The following ARAP2 variants were observed in gnomAD, a reference collection of about 807,000 sequenced individuals.
ARAP2 encodes the protein ArfGAP with RhoGAP domain, ankyrin repeat and PH domain 2.
In ARAP2, 148 loss-of-function variants were observed where a neutral mutation model predicts 194.5. That is an observed-to-expected ratio of 0.76 (90% CI 0.67 to 0.87). ARAP2 has a LOEUF of 0.87. Among genes scored for constraint, ARAP2 ranks in the 40% least tolerant of loss-of-function variants. The pLI, the probability that ARAP2 is intolerant of heterozygous loss-of-function variation, is 0.00. For synonymous variants in ARAP2, 695 were observed against 683.5 expected (o/e 1.02, Z -0.26); for missense variants, 2,128 against 1,989.7 (o/e 1.07, Z -1.32).
intron 5 of ARAP2, among the ~76,000 whole-genome samples, chr4:36,036,498 T>G: frequency 6.6e-6 from 1 of 152,232 alleles, no homozygotes; most frequent in East Asian, 1.9e-4. Flanking sequence ...ATATTCTTAG[T>G]CAATGATGAG....
chr4:36,108,906 A>C (rs73806457), intron 26 of ARAP2, among the ~76,000 whole-genome samples: 1 of 151,990 alleles, frequency 6.6e-6, no homozygotes, highest in African/African-American at 2.4e-5. Flanking sequence ...GCCATGTAAA[A>C]GTCAATTCAA....
At chr4:36,097,009 T>G (rs1026479165) in intron 27 of ARAP2, among the ~76,000 whole-genome samples, 8 of 152,172 alleles carry the variant, frequency 5.3e-5, no homozygotes, top group Non-Finnish European at 1.0e-4. Context: ...TCACACCTTC[T>G]GACAGTACTT....
chr4:36,107,182 C>T (rs1560443618), intron 27 of ARAP2, among the ~76,000 whole-genome samples: 1 of 151,980 alleles, frequency 6.6e-6, no homozygotes, highest in Non-Finnish European at 1.5e-5. Context: ...CACTCTATCT[C>T]AGAGCCTATA....
chr4:36,179,877 A>G (rs113159370), intron 8 of ARAP2, among the ~76,000 whole-genome samples: 39 of 152,342 alleles, frequency 2.6e-4, no homozygotes, highest in African/African-American at 9.1e-4. Context: ...TTCAAAACTA[A>G]TAAAAACAGT....
intron 31 of ARAP2, among the ~76,000 whole-genome samples, chr4:36,079,749 A>G (rs1449235944): frequency 6.6e-6 from 1 of 152,222 alleles, no homozygotes; most frequent in Non-Finnish European, 1.5e-5. Context: ...CAAGGAATAC[A>G]TGAGTTATTC....
At chr4:36,212,944 T>C (rs1747091127) in intron 4 of ARAP2, among the ~76,000 whole-genome samples, 1 of 152,066 alleles carries the variant, frequency 6.6e-6, no homozygotes, top group African/African-American at 2.4e-5. Flanking sequence ...AGCAAAAATC[T>C]AGAGAGTGCT....
chr4:36,243,897 G>A (rs1754083636), intron 1 of ARAP2: 3 of 152,258 alleles, frequency 2.0e-5, no homozygotes, highest in African/African-American at 7.2e-5. Context: ...TTTAAAGGTA[G>A]GGGAGAGGAA....
chr4:36,083,918 A>C lies in ARAP2; in HGVS notation c.4426-468T>G, dbSNP rs961084553. Among the ~76,000 whole-genome samples the C allele has an allele frequency of 4.5e-4, 69 of 152,248 alleles. 1 individual carries two copies. Among genetic ancestry groups the C allele is most frequent in the African/African-American group, 1.6e-3 (66 of 41,566 alleles). ...CTAGTGTGGCTAGAATAAAGCAGGCAGGAGAAGATGGAAGAGCAGACTTGC... is the reference window on the plus strand; with the variant it reads ...CTAGTGTGGCTAGAATAAAGCAGGCCGGAGAAGATGGAAGAGCAGACTTGC... On this transcript the variant is annotated intron_variant, in intron 28 of 32. Coordinates refer to ENST00000303965, the MANE Select transcript of ARAP2 (RefSeq NM_015230.4).
downstream of ARAP2, among the ~76,000 whole-genome samples, chr4:36,062,222 A>C (rs1304328650): frequency 1.3e-5 from 2 of 152,146 alleles, no homozygotes; most frequent in Non-Finnish European, 2.9e-5. Flanking sequence ...ATTTTTGCCC[A>C]GCCCGTTGTC....
chr4:36,134,760 A>ATACC (rs1726266567), intron 19 of ARAP2, among the ~76,000 whole-genome samples: 1 of 149,684 alleles, frequency 6.7e-6, no homozygotes, highest in Non-Finnish European at 1.5e-5. Flanking sequence ...ACACACACAC[A>ATACC]CCCTCCTGGA....
intron 4 of ARAP2, chr4:36,046,651 G>C (rs1673914566): frequency 6.6e-6 from 1 of 152,252 alleles, no homozygotes; most frequent in Non-Finnish European, 1.5e-5. Flanking sequence ...GTATGTAAGA[G>C]GAGCAGGCAG....
At chr4:36,238,682 C>T (rs975607852) in intron 1 of ARAP2, among the ~76,000 whole-genome samples, 3 of 152,206 alleles carry the variant, frequency 2.0e-5, no homozygotes, top group Admixed American at 6.5e-5. Flanking sequence ...AGCCTACATT[C>T]ATTTACATTT....
chr4:36,145,646 A>T lies in ARAP2; in HGVS notation c.3263+1650T>A, dbSNP rs569702864. On this transcript the variant is annotated intron_variant, in intron 19 of 32. Transcript: ENST00000303965. ...CACTACACAATATATCCATGCAACA[A>T]ACCTGCACATATGTAGATATGTGCC... 1.5e-3 allele frequency among the ~76,000 whole-genome samples: 233 copies of T among 152,078 alleles called. 4 individuals are homozygous for T. Among genetic ancestry groups the T allele is most frequent in the Middle Eastern group, 0.014 (4 of 294 alleles).
At chr4:36,228,337 T>C (rs1446821115) in intron 2 of ARAP2, among the ~76,000 whole-genome samples, 1 of 152,150 alleles carries the variant, frequency 6.6e-6, no homozygotes, top group Non-Finnish European at 1.5e-5. Context: ...CAGGTAGAAT[T>C]AAGGGAAGGG....
At chr4:36,045,341 A>G (rs1039938573) in intron 5 of ARAP2, among the ~76,000 whole-genome samples, 7 of 152,314 alleles carry the variant, frequency 4.6e-5, no homozygotes, top group African/African-American at 1.4e-4. Flanking sequence ...TATATTCACA[A>G]TGGAATACCA....
chr4:36,142,651 T>A (rs574406776), intron 19 of ARAP2, among the ~76,000 whole-genome samples: 14 of 151,674 alleles, frequency 9.2e-5, no homozygotes, highest in South Asian at 2.1e-4. Flanking sequence ...GACACCCTCT[T>A]CCTGGGCTTT....
intron 5 of ARAP2, among the ~76,000 whole-genome samples, chr4:36,030,749 C>T (rs1028525815): frequency 4.7e-5 from 7 of 149,234 alleles, no homozygotes; most frequent in African/African-American, 1.7e-4. Flanking sequence ...TTGTCTTTAC[C>T]TTCAATTCTT....
intron 28 of ARAP2, 60 bp downstream of exon 28, chr4:36,091,821 A>AT (rs1283846753): frequency 8.0e-6 from 12 of 1,497,928 alleles, no homozygotes; most frequent in Non-Finnish European, 1.1e-5. Context: ...TGACAGTAGC[A>AT]TAAAATACAA....
intron 19 of ARAP2, among the ~76,000 whole-genome samples, chr4:36,133,930 C>A (rs921845221): frequency 4.0e-5 from 6 of 151,684 alleles, no homozygotes; most frequent in Non-Finnish European, 8.8e-5. Flanking sequence ...GTAGTTTAAT[C>A]TTTTCACATA....
Sources: gnomAD v4.1 joint callset for allele counts (sites outside exome capture counted in the v4.1 genomes callset) on GRCh38, gnomAD v4.1.1 for gene constraint, MANE v1.5 for transcripts, NCBI Gene and HGNC (gene_info 2026-07-23, HGNC 2026-07-21) for gene names.